Variants in ERBB4 observed in about 807,000 individuals in gnomAD.
ERBB4 encodes erb-b2 receptor tyrosine kinase 4, also known as receptor tyrosine-protein kinase erbB-4.
In ERBB4, 42 loss-of-function variants were observed where a neutral mutation model predicts 158.0. That is an observed-to-expected ratio of 0.27 (90% CI 0.21 to 0.34). The LOEUF (loss-of-function observed/expected upper bound fraction) is 0.34, where lower values mean the gene tolerates loss of function less well. ERBB4 is among the 10% of genes least tolerant of loss of function. The pLI is 1.00. For missense variants in ERBB4, 1,333 were observed against 1,624.1 expected (o/e 0.82, Z 3.08); for synonymous variants, 583 against 558.7 (o/e 1.04, Z -0.61).
chr2:211,826,837 G>C (rs78192720), intron 3 of ERBB4, among the ~76,000 whole-genome samples: 1 of 151,958 alleles, frequency 6.6e-6, no homozygotes, highest in Non-Finnish European at 1.5e-5. Flanking sequence ...ACATTTTAAT[G>C]ACATATTTTA....
chr2:211,772,861 A>C (rs2075740070), intron 4 of ERBB4, among the ~76,000 whole-genome samples: 1 of 94,056 alleles, frequency 1.1e-5, no homozygotes, highest in Non-Finnish European at 2.2e-5. Flanking sequence ...ATATATATAT[A>C]TATATATACA....
chr2:212,240,157 A>G (rs2084029486), intron 1 of ERBB4, among the ~76,000 whole-genome samples: 1 of 152,152 alleles, frequency 6.6e-6, no homozygotes, highest in Admixed American at 6.5e-5. Context: ...GATTAAATAA[A>G]AAGACCATGA....
chr2:211,655,953 CAT>C (rs1487073317), intron 16 of ERBB4, among the ~76,000 whole-genome samples: 5 of 152,088 alleles, frequency 3.3e-5, no homozygotes, highest in South Asian at 4.1e-4. Flanking sequence ...ATTAAGATGA[CAT>C]ATTTATTTTA....
intron 16 of ERBB4, among the ~76,000 whole-genome samples, chr2:211,646,695 A>C (rs2105869976): frequency 6.6e-6 from 1 of 151,764 alleles, no homozygotes; most frequent in African/African-American, 2.4e-5. Flanking sequence ...AATTAACGCA[A>C]CAGGTATTGA....
At chr2:211,655,337 G>C (rs2071170716) in intron 16 of ERBB4, among the ~76,000 whole-genome samples, 1 of 152,120 alleles carries the variant, frequency 6.6e-6, no homozygotes, top group Non-Finnish European at 1.5e-5. Flanking sequence ...GAGAATTTTT[G>C]ATGTACAGAA....
intron 1 of ERBB4, among the ~76,000 whole-genome samples, chr2:212,328,403 C>G (rs1427351160): frequency 6.6e-6 from 1 of 151,962 alleles, no homozygotes; most frequent in Non-Finnish European, 1.5e-5. Context: ...CTGCTATAAT[C>G]CATTACTCAG....
At chr2:211,498,510 G>T (rs911633368) in intron 20 of ERBB4, among the ~76,000 whole-genome samples, 1 of 151,950 alleles carries the variant, frequency 6.6e-6, no homozygotes, top group Non-Finnish European at 1.5e-5. Flanking sequence ...CCAATATATT[G>T]TACTAATTTC....
chr2:211,720,581 T>A (rs1027357343), intron 7 of ERBB4, among the ~76,000 whole-genome samples: 5 of 152,350 alleles, frequency 3.3e-5, no homozygotes, highest in Non-Finnish European at 4.4e-5. Context: ...CCGTGCTGGA[T>A]CTTTGCCTGT....
intron 1 of ERBB4, among the ~76,000 whole-genome samples, chr2:212,191,717 ACATATAACACGTGTTATACATGT>A (rs2125712323): frequency 6.7e-6 from 1 of 148,476 alleles, no homozygotes; most frequent in South Asian, 2.1e-4. Context: ...TATACATGTT[ACATATAACACGTGTTATACATGT>A]TACATATAAC....
chr2:211,839,055 G>A (rs1326624636), intron 3 of ERBB4, among the ~76,000 whole-genome samples: 1 of 151,750 alleles, frequency 6.6e-6, no homozygotes, highest in African/African-American at 2.4e-5. Flanking sequence ...TTTGCATGGA[G>A]TTAAAGATTC....
chr2:212,314,477 A>C, intron 1 of ERBB4, among the ~76,000 whole-genome samples: 1 of 151,128 alleles, frequency 6.6e-6, no homozygotes, highest in East Asian at 2.0e-4. Context: ...TTAATTCATT[A>C]GAAAAAAATT....
chr2:211,513,632 T>A (rs1040230900), intron 20 of ERBB4, among the ~76,000 whole-genome samples: 2 of 152,064 alleles, frequency 1.3e-5, no homozygotes, highest in Non-Finnish European at 2.9e-5. Flanking sequence ...ATACTATTCA[T>A]CACAACATTC....
intron 1 of ERBB4, among the ~76,000 whole-genome samples, chr2:212,145,111 A>G (rs1175213420): frequency 6.6e-6 from 1 of 152,214 alleles, no homozygotes; most frequent in African/African-American, 2.4e-5. Context: ...CTAAAATGTG[A>G]GTACATACAT....
intron 3 of ERBB4, among the ~76,000 whole-genome samples, chr2:211,832,530 AAT>A (rs1175867490): frequency 6.6e-6 from 1 of 151,836 alleles, no homozygotes; most frequent in Non-Finnish European, 1.5e-5. Flanking sequence ...CAAATACTGA[AAT>A]ATGTTTCTTG....
At chr2:212,290,956 A>G (rs1257319415) in intron 1 of ERBB4, among the ~76,000 whole-genome samples, 1 of 152,136 alleles carries the variant, frequency 6.6e-6, no homozygotes, top group Admixed American at 6.5e-5. Flanking sequence ...TGTGTAAAAA[A>G]TATTAATTTA....
At chr2:212,497,473 C>T (rs1038026976) in intron 1 of ERBB4, among the ~76,000 whole-genome samples, 1 of 152,110 alleles carries the variant, frequency 6.6e-6, no homozygotes, top group African/African-American at 2.4e-5. Flanking sequence ...GAAGACGTGA[C>T]AGTGCAGTGA....
rs911648684 is a variant in ERBB4 at position 212,225,728 on chromosome 2, G to T, written c.83-100825C>A. On this transcript the variant is annotated intron_variant, in intron 1 of 27. Coordinates refer to ENST00000342788, the MANE Select transcript of ERBB4 (RefSeq NM_005235.3). ...ACTTTACATTCAATGTTTTCCTATAGGACACTTTTACTATTCTTCCCTCTC... is the reference window on the plus strand; with the variant it reads ...ACTTTACATTCAATGTTTTCCTATATGACACTTTTACTATTCTTCCCTCTC... Among the ~76,000 whole-genome samples, 2 of 150,940 alleles carry T rather than the reference G, an allele frequency of 1.3e-5. 1 individual carries two copies. Among genetic ancestry groups the T allele is most frequent in the South Asian group, 4.2e-4 (2 of 4,728 alleles).
At chr2:211,670,495 C>T (rs1427508475) in intron 14 of ERBB4, among the ~76,000 whole-genome samples, 1 of 152,076 alleles carries the variant, frequency 6.6e-6, no homozygotes, top group Non-Finnish European at 1.5e-5. Context: ...CAAAAACCCA[C>T]AAATTAGGAG....
intron 1 of ERBB4, among the ~76,000 whole-genome samples, chr2:212,140,783 T>C (rs1235559356): frequency 6.6e-6 from 1 of 151,414 alleles, no homozygotes; most frequent in Non-Finnish European, 1.5e-5. Flanking sequence ...TACTCATCTA[T>C]AAAGTTGCTC....
Sources: gnomAD v4.1 joint callset for allele counts (sites outside exome capture counted in the v4.1 genomes callset) on GRCh38, gnomAD v4.1.1 for gene constraint, MANE v1.5 for transcripts, NCBI Gene and HGNC (gene_info 2026-07-23, HGNC 2026-07-21) for gene names.